Variants in THOC5 observed in about 807,000 individuals in gnomAD.
THOC5 encodes the protein Fms-interacting protein.
In THOC5, 43 loss-of-function variants were observed where a neutral mutation model predicts 92.9. The observed-to-expected ratio is 0.46, with a 90% CI of 0.36 to 0.60. The LOEUF (loss-of-function observed/expected upper bound fraction) is 0.60, where lower values mean the gene tolerates loss of function less well. Among genes scored for constraint, THOC5 ranks in the 20% least tolerant of loss-of-function variants. The probability of loss-of-function intolerance (pLI) is 0.00; values close to 1 mark genes in which losing one functional copy is unlikely to be tolerated. For missense variants in THOC5, 659 were observed against 849.4 expected, an observed-to-expected ratio of 0.78 and a Z score of 2.79; for synonymous variants, 296 against 320.1, an observed-to-expected ratio of 0.92 and a Z score of 0.80.
chr22:29,529,033 A>G, intron 9 of THOC5, 129 bp downstream of exon 9: 1 of 882,472 alleles, frequency 1.1e-6, no homozygotes, highest in Non-Finnish European at 1.8e-6. Flanking sequence ...TGTCTACTCC[A>G]GGGTGCTAAG....
chr22:29,551,429 A>G (rs1440142621), intron 1 of THOC5, among the ~76,000 whole-genome samples: 1 of 151,990 alleles, frequency 6.6e-6, no homozygotes, highest in Non-Finnish European at 1.5e-5. Flanking sequence ...AGCGAGATTC[A>G]GTCTCAACAA....
chr22:29,545,142 G>A (rs927830151), intron 2 of THOC5: 1 of 411,490 alleles, frequency 2.4e-6, no homozygotes, highest in East Asian at 8.6e-5. Context: ...AGAGAAAAAT[G>A]AGGAGGAAGC....
At chr22:29,530,885 A>C (rs1187476750) in intron 8 of THOC5, among the ~76,000 whole-genome samples, 1 of 152,132 alleles carries the variant, frequency 6.6e-6, no homozygotes, top group Non-Finnish European at 1.5e-5. Flanking sequence ...AACTTCCCCC[A>C]AGTGGCTGAC....
intron 1 of THOC5, among the ~76,000 whole-genome samples, chr22:29,551,764 G>T (rs1259869388): frequency 6.6e-6 from 1 of 151,416 alleles, no homozygotes; most frequent in East Asian, 1.9e-4. Context: ...AATTTGGACT[G>T]GATTAAAAAT....
intron 17 of THOC5, among the ~76,000 whole-genome samples, chr22:29,515,390 T>G (rs1001861855): frequency 6.6e-6 from 1 of 152,204 alleles, no homozygotes; most frequent in African/African-American, 2.4e-5. Flanking sequence ...TAGACTATAG[T>G]GCAAACATAA....
chr22:29,541,893 A>AATATATATATATATATATAT (rs55924406), intron 5 of THOC5, among the ~76,000 whole-genome samples: 4 of 74,154 alleles, frequency 5.4e-5, no homozygotes, highest in African/African-American at 2.8e-4. Context: ...AAAAAAAAAA[A>AATATATATATATATATATAT]ATATATATAT....
intron 5 of THOC5, among the ~76,000 whole-genome samples, chr22:29,542,441 G>A (rs2063916572): frequency 6.6e-6 from 1 of 152,144 alleles, no homozygotes; most frequent in African/African-American, 2.4e-5. Context: ...AGATCCTACA[G>A]TTTTCTAAGC....
rs2072302 is a variant in THOC5 at position 29,519,199 on chromosome 22, C to T, written c.1375-79G>A. Reference sequence around the variant, plus strand: ...GCACCATCTCTCTCCTGGGACCTGCCTGTCTGCGGCACCCTGGATTATCCA... The same window carrying T: ...GCACCATCTCTCTCCTGGGACCTGCTTGTCTGCGGCACCCTGGATTATCCA... On this transcript the variant is annotated intron_variant, in intron 14 of 19. Transcript: ENST00000490103. 924 of 906,858 alleles carry T rather than the reference C, an allele frequency of 1.0e-3. 13 individuals carry two copies. In the East Asian group the frequency reaches 0.019, roughly 19 times the overall value. The allele number at this position is 906,858 out of a possible 1,614,324, so 56.2% of individuals were successfully genotyped here.
chr22:29,518,918 G>C (rs941624770), intron 15 of THOC5, 88 bp downstream of exon 15: 5 of 886,284 alleles, frequency 5.6e-6, no homozygotes, highest in South Asian at 5.1e-5. Context: ...TTTGTCATCA[G>C]GATTCAAGTT....
intron 11 of THOC5, among the ~76,000 whole-genome samples, chr22:29,526,352 G>A (rs566811907): frequency 2.0e-5 from 3 of 152,142 alleles, no homozygotes; most frequent in Admixed American, 1.3e-4. Context: ...CTAACACAGT[G>A]AAACCCCGTC....
At position 29,508,200 on chromosome 22, in the gene THOC5, C is replaced by A; in HGVS notation, c.*257G>T. On this transcript the variant is annotated 3_prime_UTR_variant, in exon 20 of 20. Coordinates refer to ENST00000490103, the MANE Select transcript of THOC5 (RefSeq NM_003678.5). The stretch of plus-strand genomic sequence containing the variant: ...TCTCTGCAGAATTGGAATCTTTTTC[C>A]ACTCTGCTTTTATTGGCTGCTGAGA... The A allele has an allele frequency of 1.9e-6, 1 of 528,266 alleles. No homozygotes were observed. 32.7% of individuals were successfully genotyped at this position (528,266 alleles called of 1,614,324 possible).
chr22:29,520,123 A>G lies in THOC5; in HGVS notation c.1278-19T>C. On this transcript the variant is annotated intron_variant, in intron 13 of 19. Coordinates refer to ENST00000490103, the MANE Select transcript of THOC5 (RefSeq NM_003678.5). ...CAGGATGCTGCAGAAAAGAAGATAA[A>G]TAAAATTGTGCTGTAAGTCATTTCT... 6.2e-7 allele frequency: 1 copy of G among 1,609,242 alleles called. No individual in the cohort carries two copies. The highest frequency in any genetic ancestry group is 1.3e-5 in the African/African-American group (1 of 74,914).
chr22:29,547,296 T>A (rs925465420), intron 2 of THOC5, among the ~76,000 whole-genome samples: 2 of 152,196 alleles, frequency 1.3e-5, no homozygotes, highest in Admixed American at 1.3e-4. Flanking sequence ...TTGCTGCAGT[T>A]TCCAATAAGT....
chr22:29,525,268 T>C (rs563872967), intron 12 of THOC5, among the ~76,000 whole-genome samples: 1 of 152,274 alleles, frequency 6.6e-6, no homozygotes, highest in African/African-American at 2.4e-5. Context: ...ATAGTGAGAC[T>C]GTGTATCAAC....
rs1249523119 is a variant in THOC5, at chr22:29,545,334, C to T, written c.97-731G>A. ...ATTTAAATCCCAAACCATATCATTC[C>T]GCCCCTGGCCCCTCCGAATCTCATG... is the stretch of plus-strand genomic sequence containing the variant. On this transcript the variant is annotated intron_variant, in intron 2 of 19. Transcript: ENST00000490103. Among the ~76,000 whole-genome samples, 4 of 152,094 alleles carry T rather than the reference C, an allele frequency of 2.6e-5. No homozygotes were observed. In the East Asian group the frequency reaches 5.8e-4, roughly 22 times the overall value.
At chr22:29,543,867 A>G (rs1269525182) in intron 3 of THOC5, among the ~76,000 whole-genome samples, 1 of 152,200 alleles carries the variant, frequency 6.6e-6, no homozygotes, top group Non-Finnish European at 1.5e-5. Flanking sequence ...TTTGACCTCT[A>G]TAAATAACAT....
chr22:29,549,871 A>G (rs2064106362), intron 1 of THOC5, among the ~76,000 whole-genome samples: 1 of 151,702 alleles, frequency 6.6e-6, no homozygotes, highest in Non-Finnish European at 1.5e-5. Context: ...TCCTCCCTAT[A>G]TCCTTCAAGA....
Position 29,510,917 on chromosome 22 carries a change from C to G in THOC5, c.1988+189G>C, listed in dbSNP as rs1437645246. ...TATAGAAAATAAAGTTCAGCCAAATCCTCTTGGCTCAGACCTGGCACTAAC... is the reference window on the plus strand; with the variant it reads ...TATAGAAAATAAAGTTCAGCCAAATGCTCTTGGCTCAGACCTGGCACTAAC... On this transcript the variant is annotated intron_variant, in intron 19 of 19. Transcript: ENST00000490103. 3.9e-5 allele frequency among the ~76,000 whole-genome samples: 6 copies of G among 152,166 alleles called. No individual in the cohort carries two copies. In the East Asian group the frequency reaches 1.2e-3, roughly 29 times the overall value.
chr22:29,530,952 A>C, intron 8 of THOC5: 4 of 744,024 alleles, frequency 5.4e-6, no homozygotes, highest in Non-Finnish European at 6.8e-6. Context: ...CCAAGCAACT[A>C]GTTGCTCCCA....
Sources: allele counts gnomAD v4.1 joint callset (sites outside exome capture counted in the v4.1 genomes callset), GRCh38; gene constraint gnomAD v4.1.1; transcripts MANE v1.5; gene names NCBI Gene and HGNC (gene_info 2026-07-23, HGNC 2026-07-21).